DAP: variants seen among roughly 807,000 people sequenced by gnomAD.
The protein encoded by DAP is death-associated protein 1.
DAP carries 8 observed loss-of-function variants against 13.8 expected under a neutral mutation model. The ratio of observed to expected loss-of-function variants is 0.58; its 90% CI spans 0.34 to 1.05. DAP has a LOEUF of 1.05. Among genes scored for constraint, DAP ranks in the 50% least tolerant of loss-of-function variants. The pLI, the probability that DAP is intolerant of heterozygous loss-of-function variation, is 0.03. For missense variants in DAP, 106 were observed against 133.2 expected (o/e 0.80, Z 1.01); for synonymous variants, 47 against 47.5 (o/e 0.99, Z 0.04).
chr5:10,713,771 C>T (rs552451259), intron 2 of DAP, among the ~76,000 whole-genome samples: 1 of 152,382 alleles, frequency 6.6e-6, no homozygotes, highest in South Asian at 2.1e-4. Flanking sequence ...GCAAGTGCTG[C>T]TGTGTTTATT....
At chr5:10,683,617 A>G (rs1468830701) in intron 2 of DAP, 46 bp from the exon 3 acceptor site, 1 of 1,585,698 alleles carries the variant, frequency 6.3e-7, no homozygotes, top group Non-Finnish European at 8.7e-7. Flanking sequence ...AACAGTCCAC[A>G]ACAGGGAACA....
chr5:10,718,755 T>C (rs1361744600), intron 2 of DAP, among the ~76,000 whole-genome samples: 1 of 152,250 alleles, frequency 6.6e-6, no homozygotes, highest in African/African-American at 2.4e-5. Flanking sequence ...ACTTGGCAAA[T>C]GCCTTTTTCT....
At chr5:10,681,751 G>A (rs1183922764) in intron 3 of DAP, among the ~76,000 whole-genome samples, 1 of 151,218 alleles carries the variant, frequency 6.6e-6, no homozygotes, top group South Asian at 2.1e-4. Flanking sequence ...CATGGCAGTT[G>A]TATGTGAGGA....
At chr5:10,750,859 A>G in intron 1 of DAP, among the ~76,000 whole-genome samples, 1 of 152,152 alleles carries the variant, frequency 6.6e-6, no homozygotes, top group East Asian at 1.9e-4. Flanking sequence ...GCAGACAGCA[A>G]CCCTCTGGGG....
chr5:10,741,764 G>T (rs1739762353), intron 2 of DAP, among the ~76,000 whole-genome samples: 1 of 152,170 alleles, frequency 6.6e-6, no homozygotes, highest in Non-Finnish European at 1.5e-5. Context: ...CACCTTCGTG[G>T]TCATTCACAG....
intron 2 of DAP, among the ~76,000 whole-genome samples, chr5:10,728,944 T>A (rs1188680803): frequency 6.6e-6 from 1 of 152,212 alleles, no homozygotes; most frequent in Non-Finnish European, 1.5e-5. Flanking sequence ...CAGTACAGAT[T>A]CACCATATTT....
chr5:10,716,601 C>T (rs982557734), intron 2 of DAP, among the ~76,000 whole-genome samples: 1 of 152,140 alleles, frequency 6.6e-6, no homozygotes. Flanking sequence ...AGCCTAGCCT[C>T]CCAGCCTACA....
chr5:10,702,324 T>C (rs771009833), intron 2 of DAP, among the ~76,000 whole-genome samples: 2 of 152,216 alleles, frequency 1.3e-5, no homozygotes, highest in African/African-American at 2.4e-5. Context: ...TTGTTGCTCA[T>C]TTCTTAGGAA....
chr5:10,701,443 A>C (rs865988326), intron 2 of DAP, among the ~76,000 whole-genome samples: 18 of 152,372 alleles, frequency 1.2e-4, no homozygotes, highest in Non-Finnish European at 1.5e-4. Context: ...TTTATGGTTC[A>C]GTAACGGGGC....
At chr5:10,760,208 T>A (rs1320944204) in intron 1 of DAP, among the ~76,000 whole-genome samples, 1 of 152,210 alleles carries the variant, frequency 6.6e-6, no homozygotes, top group African/African-American at 2.4e-5. Context: ...TGAAGTGACT[T>A]GGCTTCTGAG....
intron 2 of DAP, among the ~76,000 whole-genome samples, chr5:10,689,377 C>G (rs982906949): frequency 6.6e-6 from 1 of 152,182 alleles, no homozygotes; most frequent in Non-Finnish European, 1.5e-5. Context: ...GACCCTCCCC[C>G]CACAGGCCCA....
chr5:10,728,170 C>A (rs564184944), intron 2 of DAP, among the ~76,000 whole-genome samples: 2 of 152,246 alleles, frequency 1.3e-5, no homozygotes, highest in Non-Finnish European at 2.9e-5. Context: ...TCCTGGATAT[C>A]AGAAAGTGAA....
At position 10,743,519 on chromosome 5, in the gene DAP, G is replaced by A. The variant is rs59176828; in HGVS notation, c.152+4656C>T. Among the ~76,000 whole-genome samples, 775 of 152,198 alleles carry A rather than the reference G, an allele frequency of 5.1e-3. 3 individuals are homozygous for A. Among genetic ancestry groups the A allele is most frequent in the African/African-American group, 0.017 (716 of 41,538 alleles). ...CCACCACTTGTCAGTGACCAAACCC[G>A]TTCTTTTCTGGTTTACCCCTCCTGT... On this transcript the variant is annotated intron_variant, in intron 2 of 3. Coordinates refer to ENST00000230895, the MANE Select transcript of DAP (RefSeq NM_004394.3).
chr5:10,752,520 G>A (rs1740072026), intron 1 of DAP, among the ~76,000 whole-genome samples: 1 of 152,210 alleles, frequency 6.6e-6, no homozygotes, highest in Non-Finnish European at 1.5e-5. Context: ...CGTGGTGGTT[G>A]TTATTCAAAT....
intron 2 of DAP, among the ~76,000 whole-genome samples, chr5:10,685,171 G>A (rs140978398): frequency 7.1e-4 from 39 of 54,634 alleles, no homozygotes; most frequent in East Asian, 4.1e-3. Context: ...CTGTTACTTC[G>A]CGACATTAAG....
chr5:10,760,889 C>CA (rs1740329000), intron 1 of DAP, 125 bp downstream of exon 1: 1 of 521,146 alleles, frequency 1.9e-6, no homozygotes, highest in Non-Finnish European at 2.8e-6. Flanking sequence ...CTCGGGCGGG[C>CA]ATCAAGGCCC....
At chr5:10,685,371 A>G (rs913123187) in intron 2 of DAP, among the ~76,000 whole-genome samples, 1 of 130,532 alleles carries the variant, frequency 7.7e-6, no homozygotes, top group Admixed American at 7.7e-5. Context: ...GCCACGTGGT[A>G]TAACTGAATT....
rs5745280 is a variant in DAP, at chr5:10,684,837, G to A, written c.153-1266C>T. 2.6e-4 allele frequency among the ~76,000 whole-genome samples: 39 copies of A among 152,268 alleles called. No homozygotes were observed. The South Asian group carries it at 6.0e-3, about 24-fold the overall frequency. On this transcript the variant is annotated intron_variant, in intron 2 of 3. Coordinates refer to ENST00000230895, the MANE Select transcript of DAP (RefSeq NM_004394.3). Reference sequence around the variant, plus strand: ...GTACAGACACCCAAGACCTGGAGGTGAATACAAGGTCAGCCCAGCTGGGAC... The same window carrying A: ...GTACAGACACCCAAGACCTGGAGGTAAATACAAGGTCAGCCCAGCTGGGAC...
At chr5:10,706,088 G>T (rs940342457) in intron 2 of DAP, among the ~76,000 whole-genome samples, 1 of 152,196 alleles carries the variant, frequency 6.6e-6, no homozygotes, top group Admixed American at 6.5e-5. Flanking sequence ...TACACAACAA[G>T]AACAGGCAGA....
Sources: gnomAD v4.1 joint callset for allele counts (sites outside exome capture counted in the v4.1 genomes callset) on GRCh38, gnomAD v4.1.1 for gene constraint, MANE v1.5 for transcripts, NCBI Gene and HGNC (gene_info 2026-07-23, HGNC 2026-07-21) for gene names.